The following CABLES2 variants were observed in gnomAD, a reference collection of about 807,000 sequenced individuals.
CABLES2 encodes Cdk5 and Abl enzyme substrate 2.
CABLES2 carries 35 observed loss-of-function variants against 44.8 expected under a neutral mutation model. The observed-to-expected ratio is 0.78, with a 90% CI of 0.60 to 1.04. CABLES2 has a LOEUF of 1.04. CABLES2 is among the 50% of genes least tolerant of loss of function. The probability of loss-of-function intolerance (pLI) is 0.00; values close to 1 mark genes in which losing one functional copy is unlikely to be tolerated. For missense variants in CABLES2, 566 were observed against 615.7 expected (o/e 0.92, Z 0.85); for synonymous variants, 282 against 281.1 (o/e 1.00, Z -0.03).
Position 62,394,282 on chromosome 20 carries a change from G to A in CABLES2, c.606-17C>T. The A allele has an allele frequency of 6.2e-7, 1 of 1,605,062 alleles. No individual in the cohort carries two copies. On this transcript the variant is annotated splice_polypyrimidine_tract_variant and intron_variant, in intron 4 of 9. Coordinates refer to ENST00000279101, the MANE Select transcript of CABLES2 (RefSeq NM_031215.3). ...CTCAGGTCACTGCAAACATGGGAGA[G>A]GCAAGGGGCTGTGGTCTGCGCTGAA...
At position 62,389,167 on chromosome 20, in the gene CABLES2, A is replaced by G. The variant is rs1156457270; in HGVS notation, c.*1804T>C. ...CTCGTAACATGGGCGAGCTCTTGAG[A>G]TGGGATCTGGGTGGCAGGAGAGGTT... On this transcript the variant is annotated 3_prime_UTR_variant, in exon 10 of 10. Transcript: ENST00000279101. 1 of 152,758 alleles carries G rather than the reference A, an allele frequency of 6.5e-6. No homozygotes were observed. Among genetic ancestry groups the G allele is most frequent in the East Asian group, 1.9e-4 (1 of 5,208 alleles). The allele number at this position is 152,758 out of a possible 1,614,324, so 9.5% of individuals were successfully genotyped here.
chr20:62,398,267 A>ATGG (rs1167233355), intron 1 of CABLES2, among the ~76,000 whole-genome samples: 1 of 67,086 alleles, frequency 1.5e-5, no homozygotes, highest in East Asian at 4.0e-4. Flanking sequence ...GGTGATGGTG[A>ATGG]TGGCGGTGGT....
At chr20:62,401,878 C>T (rs942433029) in intron 1 of CABLES2, among the ~76,000 whole-genome samples, 2 of 152,240 alleles carry the variant, frequency 1.3e-5, no homozygotes, top group Non-Finnish European at 2.9e-5. Context: ...CCTGCGTGCA[C>T]CAGACCCCTC....
intron 1 of CABLES2, among the ~76,000 whole-genome samples, chr20:62,397,923 A>ATGGTGGTGGTGGCGG (rs1601475276): frequency 2.3e-5 from 2 of 85,734 alleles, no homozygotes; most frequent in Non-Finnish European, 4.8e-5. Flanking sequence ...GGCAGTGGTG[A>ATGGTGGTGGTGGCGG]TGGTGGTGGT....
rs896598018 is a variant in CABLES2 at position 62,388,900 on chromosome 20, C to T, written c.*2071G>A. The T allele has an allele frequency of 1.0e-5, 2 of 195,276 alleles. No individual in the cohort carries two copies. Among genetic ancestry groups the T allele is most frequent in the South Asian group, 8.8e-5 (1 of 11,330 alleles). 12.1% of individuals were successfully genotyped at this position (195,276 alleles called of 1,614,324 possible). Reference sequence around the variant, plus strand: ...CTACTGGCTTTGTTGCAATAATCCTCGAATACCACACAGTGGCAGCTTTTG... The same window carrying T: ...CTACTGGCTTTGTTGCAATAATCCTTGAATACCACACAGTGGCAGCTTTTG... On this transcript the variant is annotated 3_prime_UTR_variant, in exon 10 of 10. Coordinates refer to ENST00000279101, the MANE Select transcript of CABLES2 (RefSeq NM_031215.3).
intron 3 of CABLES2, among the ~76,000 whole-genome samples, chr20:62,395,443 C>T (rs969140587): frequency 1.6e-4 from 25 of 152,318 alleles, no homozygotes; most frequent in African/African-American, 4.6e-4. Flanking sequence ...CTGGGTGGAG[C>T]GGGGCTCAAC....
intron 5 of CABLES2, among the ~76,000 whole-genome samples, 178 bp from the exon 6 acceptor site, chr20:62,393,783 T>C (rs994678208): frequency 2.0e-5 from 3 of 152,202 alleles, no homozygotes; most frequent in Non-Finnish European, 4.4e-5. Flanking sequence ...CTCACATAGC[T>C]AGAACATTCC....
At chr20:62,397,129 C>T (rs1988035827) in intron 1 of CABLES2, among the ~76,000 whole-genome samples, 1 of 152,250 alleles carries the variant, frequency 6.6e-6, no homozygotes, top group African/African-American at 2.4e-5. Flanking sequence ...CACCTCAGTG[C>T]CGTCACGGGG....
chr20:62,396,615 C>G lies in CABLES2; in HGVS notation c.363-23G>C, dbSNP rs76599486. 4.1e-3 allele frequency: 6,593 copies of G among 1,598,804 alleles called. 245 individuals carry two copies. In the African/African-American group the frequency reaches 0.078, roughly 19 times the overall value. On this transcript the variant is annotated intron_variant, in intron 1 of 9. Coordinates refer to ENST00000279101, the MANE Select transcript of CABLES2 (RefSeq NM_031215.3). This position sits in a 1 kb window ranked among gnomAD's most constrained non-coding sequence, Gnocchi z 5.7. The stretch of plus-strand genomic sequence containing the variant: ...TTCCTGCAAGATGACAATGGAGCCT[C>G]AAAACAGGCCACCAGCCCGGGTGCC...
chr20:62,404,314 T>C (rs2427322), intron 1 of CABLES2: 58,637 of 152,082 alleles, frequency 0.39, 12,179 homozygotes, highest in African/African-American at 0.53. Context: ...TCAGAGGAGA[T>C]TGAGGCTCAG....
chr20:62,394,856 T>A, intron 4 of CABLES2, 81 bp downstream of exon 4: 1 of 1,318,778 alleles, frequency 7.6e-7, no homozygotes, highest in Non-Finnish European at 1.1e-6. Flanking sequence ...TGCCCGCTGA[T>A]GCCTCCTGGG....
chr20:62,395,152 AG>A (rs1987994561), intron 3 of CABLES2, 138 bp from the exon 4 acceptor site: 1 of 701,190 alleles, frequency 1.4e-6, no homozygotes, highest in African/African-American at 1.8e-5. Context: ...ATGCTGTCCA[AG>A]GGGACTTGAG....
Position 62,388,675 on chromosome 20 carries a change from A to C in CABLES2, c.*2296T>G. 1 of 598,298 alleles carries C rather than the reference A, an allele frequency of 1.7e-6. No individual in the cohort carries two copies. The highest frequency in any genetic ancestry group is 2.0e-5 in the South Asian group (1 of 49,170). The allele number at this position is 598,298 out of a possible 1,614,324, so 37.1% of individuals were successfully genotyped here. The stretch of plus-strand genomic sequence containing the variant: ...TAAAGGACAAATACATTATCCATTT[A>C]AAAACAGATATCTAAGACAAAATAA... On this transcript the variant is annotated 3_prime_UTR_variant, in exon 10 of 10. Transcript: ENST00000279101.
Position 62,396,665 on chromosome 20 carries a change from C to T in CABLES2, c.363-73G>A, listed in dbSNP as rs1352144882. ...CGCCTTTGTGGCCAGAAACCGAGTG[C>T]CGCCCGCTGTGCAGGGAAGGGCCAC... On this transcript the variant is annotated intron_variant, in intron 1 of 9. Coordinates refer to ENST00000279101, the MANE Select transcript of CABLES2 (RefSeq NM_031215.3). The surrounding 1 kb of genome is among the most constrained non-coding windows in gnomAD (Gnocchi z 5.7). The T allele has an allele frequency of 1.9e-5, 28 of 1,472,722 alleles. No individual in the cohort carries two copies. Among genetic ancestry groups the T allele is most frequent in the Non-Finnish European group, 2.4e-5 (26 of 1,075,904 alleles). The allele number at this position is 1,472,722 out of a possible 1,614,324, so 91.2% of individuals were successfully genotyped here. A position where few individuals can be genotyped will look rare whatever the true frequency, so the allele number is the denominator to read the frequency against.
rs1038431977 is a variant in CABLES2, at chr20:62,393,463, G to A, written c.857C>T (p.Ser286Leu). ...GSRHKPAPTK[S>L]APASTELGSD... Reference sequence around the variant, plus strand: ...ACCTAGTTCTGTGCTGGCTGGTGCCGACTTGGTGGGGGCAGGTTTATGTCT... The same window carrying A: ...ACCTAGTTCTGTGCTGGCTGGTGCCAACTTGGTGGGGGCAGGTTTATGTCT... The change falls in exon 6 of 10, where the codon TCG becomes TTG. Residue 286 changes from serine to leucine, a missense_variant. This residue lies in a region of CABLES2 where 436 missense variants were observed against 536.3 expected (regional missense o/e 0.81). Transcript: ENST00000279101. 6.8e-6 allele frequency: 11 copies of A among 1,610,458 alleles called. No individual in the cohort carries two copies. Among genetic ancestry groups the A allele is most frequent in the South Asian group, 3.3e-5 (3 of 90,460 alleles).
rs778877987 is a variant in CABLES2, at chr20:62,392,493, G to C, written c.987C>G (p.Thr329=). 2 of 1,612,680 alleles carry C rather than the reference G, an allele frequency of 1.2e-6. No individual in the cohort carries two copies. Among genetic ancestry groups the C allele is most frequent in the Admixed American group, 3.3e-5 (2 of 60,022 alleles). Residue 329 remains threonine, a splice_region_variant and synonymous_variant, in exon 8 of 10, where the codon ACC becomes ACG. Coordinates refer to ENST00000279101, the MANE Select transcript of CABLES2 (RefSeq NM_031215.3). ...KRVLIFASYM[T]TVIEYVKPSD... is the part of the protein sequence containing the mutation. ...AGGGCTTCACGTATTCTATCACTGT[G>C]GTCTGCAACAGAGAGTGGGCAGGGT...
Position 62,390,862 on chromosome 20 carries a change from T to C in CABLES2, c.*109A>G. On this transcript the variant is annotated 3_prime_UTR_variant, in exon 10 of 10. Coordinates refer to ENST00000279101, the MANE Select transcript of CABLES2 (RefSeq NM_031215.3). ...GCACCAGCGGAGGCCAGGTGCCTCC[T>C]GCTAGCAGGTGCTGGGGGTGCTGGC... is the stretch of plus-strand genomic sequence containing the variant. The C allele has an allele frequency of 2.2e-6, 3 of 1,373,136 alleles. No individual in the cohort carries two copies. The highest frequency in any genetic ancestry group is 3.0e-6 in the Non-Finnish European group (3 of 993,958). 85.1% of individuals were successfully genotyped at this position (1,373,136 alleles called of 1,614,324 possible).
intron 3 of CABLES2, among the ~76,000 whole-genome samples, chr20:62,395,296 C>T (rs1046036579): frequency 1.5e-5 from 2 of 135,516 alleles, no homozygotes; most frequent in Non-Finnish European, 3.2e-5. Flanking sequence ...AGTGACATCC[C>T]GAAGGCTCCT....
At chr20:62,398,190 G>GTGATGATGGTGATGGTGGTGA (rs1988107336) in intron 1 of CABLES2, among the ~76,000 whole-genome samples, 1 of 113,398 alleles carries the variant, frequency 8.8e-6, no homozygotes, top group African/African-American at 3.2e-5. Context: ...GGTGGTGATG[G>GTGATGATGGTGATGGTGGTGA]TGATGATGGT....
Sources: gnomAD v4.1 joint callset for allele counts (sites outside exome capture counted in the v4.1 genomes callset) on GRCh38, gnomAD v4.1.1 for gene constraint, gnomAD v4.1.1 regional missense constraint, Gnocchi (gnomAD v3.1) non-coding constraint, MANE v1.5 for transcripts, NCBI Gene and HGNC (gene_info 2026-07-23, HGNC 2026-07-21) for gene names.